MTMR10: variants seen among roughly 807,000 people sequenced by gnomAD.
The protein encoded by MTMR10 is myotubularin-related protein 10.
In MTMR10, 56 loss-of-function variants were observed where a neutral mutation model predicts 88.1. The ratio of observed to expected loss-of-function variants is 0.64; its 90% CI spans 0.51 to 0.79. MTMR10 has a LOEUF of 0.79. Ranked by LOEUF, MTMR10 falls within the 30% of genes least tolerant of loss-of-function variation. The pLI is 0.00. For missense variants in MTMR10, 883 were observed against 924.7 expected (o/e 0.95, Z 0.58); for synonymous variants, 380 against 340.9 (o/e 1.11, Z -1.26).
At chr15:30,925,984 C>T in the MTMR10 span, 72 of 1,600,772 alleles carry the variant, frequency 4.5e-5, no homozygotes, top group South Asian at 3.2e-4. Context: ...CCCGGGTGGA[C>T]GAGCAGCAGC....
chr15:30,929,655 A>G, the MTMR10 span, among the ~76,000 whole-genome samples: 3 of 62,544 alleles, frequency 4.8e-5, no homozygotes, highest in South Asian at 1.3e-3. Flanking sequence ...TATATAATAT[A>G]ATATATGAAA....
At position 30,954,838 on chromosome 15, in the gene MTMR10, C is replaced by T; in HGVS notation, c.991G>A (p.Asp331Asn). 1.3e-6 allele frequency: 2 copies of T among 1,585,732 alleles called. No individual in the cohort carries two copies. Among genetic ancestry groups the T allele is most frequent in the Non-Finnish European group, 1.7e-6 (2 of 1,164,296 alleles). ...HPQRSDVYKS[D>N]LDKTLPNIQE... The stretch of plus-strand genomic sequence containing the variant: ...ATATTAGGCAAGGTCTTATCCAAAT[C>T]TGATTTGTAAACATCACTTCTCTGT... The change falls in exon 10 of 16, where the codon GAT becomes AAT. Residue 331 changes from aspartate to asparagine, a missense_variant. This residue lies in a region of MTMR10 where 414 missense variants were observed against 423.2 expected (regional missense o/e 0.98). Transcript: ENST00000435680.
Position 30,939,016 on chromosome 15 carries a change from A to G in MTMR10, c.*2454T>C. The G allele has an allele frequency of 2.0e-6, 2 of 985,318 alleles. No individual in the cohort carries two copies. Among genetic ancestry groups the G allele is most frequent in the Non-Finnish European group, 2.4e-6 (2 of 829,830 alleles). The allele number at this position is 985,318 out of a possible 1,614,324, so 61.0% of individuals were successfully genotyped here. A position where few individuals can be genotyped will look rare whatever the true frequency, so the allele number is the denominator to read the frequency against. On this transcript the variant is annotated 3_prime_UTR_variant, in exon 16 of 16. Coordinates refer to ENST00000435680, the MANE Select transcript of MTMR10 (RefSeq NM_017762.3). ...ATACTGTTGAACAACAAGATAACACATCTTCTTGCTCATCCCACTTGAACT... is the reference window on the plus strand; with the variant it reads ...ATACTGTTGAACAACAAGATAACACGTCTTCTTGCTCATCCCACTTGAACT...
intron 14 of MTMR10, chr15:30,946,255 C>A (rs2063169570): frequency 6.5e-6 from 1 of 153,364 alleles, no homozygotes; most frequent in Admixed American, 6.5e-5. Context: ...CAGAATAATT[C>A]ATATGTCTTT....
At chr15:30,935,917 TG>T (rs1426613140), downstream of MTMR10, among the ~76,000 whole-genome samples, 2 of 152,140 alleles carry the variant, frequency 1.3e-5, no homozygotes, top group Non-Finnish European at 2.9e-5. Flanking sequence ...TTTCCTAGGG[TG>T]CCGTTACATT....
At chr15:30,920,587 T>C in the MTMR10 span, 2 of 1,612,218 alleles carry the variant, frequency 1.2e-6, no homozygotes, top group Non-Finnish European at 1.7e-6. Context: ...GTTTCACTGT[T>C]GGGTGGATTT....
chr15:30,942,760 A>G, intron 15 of MTMR10, 130 bp downstream of exon 15: 1 of 930,854 alleles, frequency 1.1e-6, no homozygotes, highest in Non-Finnish European at 1.5e-6. Flanking sequence ...TAAAAAGGGA[A>G]TGACCCCTCA....
the MTMR10 span, chr15:30,925,102 G>A: frequency 4.4e-4 from 700 of 1,591,320 alleles, 1 homozygote; most frequent in Non-Finnish European, 5.7e-4. Context: ...TTAGGAGCCT[G>A]ATGTGTGACC....
At position 30,991,336 on chromosome 15, in the gene MTMR10, G is replaced by T. The variant is rs920635479; in HGVS notation, c.60+111C>A. On this transcript the variant is annotated intron_variant, in intron 1 of 15. Coordinates refer to ENST00000435680, the MANE Select transcript of MTMR10 (RefSeq NM_017762.3). ...GGAATCAGGCAGCCGCGCTGCTGTG[G>T]GCAGGGAGACGCGCGCAGCCTCCTG... is the stretch of plus-strand genomic sequence containing the variant. 4 of 1,118,334 alleles carry T rather than the reference G, an allele frequency of 3.6e-6. No individual in the cohort carries two copies. In the East Asian group the frequency reaches 8.8e-5, roughly 24 times the overall value. 69.3% of individuals were successfully genotyped at this position (1,118,334 alleles called of 1,614,324 possible).
chr15:30,953,653 C>G (rs769775505), intron 10 of MTMR10, 22 bp from the exon 11 acceptor site: 177 of 1,437,468 alleles, frequency 1.2e-4, no homozygotes, highest in Middle Eastern at 1.7e-4. Flanking sequence ...TATATACATA[C>G]ACATTTTTAC....
the MTMR10 span, chr15:30,929,231 G>T: frequency 6.2e-7 from 1 of 1,613,224 alleles, no homozygotes; most frequent in Non-Finnish European, 8.5e-7. Flanking sequence ...TGCACAGACA[G>T]CTTCTTCACA....
At chr15:30,985,984 G>C (rs953104494) in intron 2 of MTMR10, among the ~76,000 whole-genome samples, 6 of 152,146 alleles carry the variant, frequency 3.9e-5, no homozygotes, top group Admixed American at 3.9e-4. Flanking sequence ...GTCAGGAAAG[G>C]ATAATTTGTC....
chr15:30,964,301 G>C (rs1169519047), intron 6 of MTMR10, among the ~76,000 whole-genome samples: 1 of 152,132 alleles, frequency 6.6e-6, no homozygotes, highest in Non-Finnish European at 1.5e-5. Context: ...TTAGTGTTTT[G>C]GGTTGCAGAC....
rs1368805305 is a variant in MTMR10, at chr15:30,941,157, C to T, written c.*313G>A. 2 of 1,313,162 alleles carry T rather than the reference C, an allele frequency of 1.5e-6. No individual in the cohort carries two copies. The highest frequency in any genetic ancestry group is 1.5e-5 in the African/African-American group (1 of 66,880). 81.3% of individuals were successfully genotyped at this position (1,313,162 alleles called of 1,614,324 possible). On this transcript the variant is annotated 3_prime_UTR_variant, in exon 16 of 16. Coordinates refer to ENST00000435680, the MANE Select transcript of MTMR10 (RefSeq NM_017762.3). Reference sequence around the variant, plus strand: ...TGCCTGGGGCTGCTAATGTGACTGACTATCAGATAGCCTTCAGGAGGTGGT... The same window carrying T: ...TGCCTGGGGCTGCTAATGTGACTGATTATCAGATAGCCTTCAGGAGGTGGT...
intron 10 of MTMR10, 132 bp downstream of exon 10, chr15:30,954,631 A>G: frequency 1.0e-6 from 1 of 953,216 alleles, no homozygotes; most frequent in Non-Finnish European, 1.4e-6. Flanking sequence ...ATAATATATA[A>G]TTTGTACAAA....
chr15:30,990,290 T>C (rs1347190107), intron 2 of MTMR10, among the ~76,000 whole-genome samples: 5 of 152,178 alleles, frequency 3.3e-5, no homozygotes, highest in African/African-American at 7.2e-5. Context: ...AACTATGAAT[T>C]ATCTGGCCCC....
intron 6 of MTMR10, among the ~76,000 whole-genome samples, chr15:30,961,292 G>A (rs1295494526): frequency 2.0e-5 from 3 of 151,604 alleles, no homozygotes; most frequent in Admixed American, 1.3e-4. Context: ...GGAATGCACT[G>A]GCATGATCTC....
chr15:30,927,090 TCA>T, the MTMR10 span: 15 of 944,118 alleles, frequency 1.6e-5, no homozygotes, highest in Admixed American at 6.2e-5. Flanking sequence ...GACAGGAGGA[TCA>T]CTTGAACTCT....
chr15:30,937,608 C>T (rs372063739), downstream of MTMR10, among the ~76,000 whole-genome samples: 9 of 151,762 alleles, frequency 5.9e-5, no homozygotes, highest in African/African-American at 1.4e-4. Context: ...TGCGCCACCA[C>T]GCCTGGCTAA....
Sources: allele counts gnomAD v4.1 joint callset (sites outside exome capture counted in the v4.1 genomes callset), GRCh38; gene constraint gnomAD v4.1.1; regional missense constraint gnomAD v4.1.1; transcripts MANE v1.5; gene names NCBI Gene and HGNC (gene_info 2026-07-23, HGNC 2026-07-21).